PTPRD: variants seen among roughly 807,000 people sequenced by gnomAD.
PTPRD encodes protein tyrosine phosphatase receptor type D.
PTPRD carries 34 observed loss-of-function variants against 214.5 expected under a neutral mutation model. The ratio of observed to expected loss-of-function variants is 0.16; its 90% CI spans 0.12 to 0.21. The LOEUF is 0.21. Ranked by LOEUF, PTPRD falls within the 10% of genes least tolerant of loss-of-function variation. The probability of loss-of-function intolerance (pLI) is 1.00; values close to 1 mark genes in which losing one functional copy is unlikely to be tolerated. For synonymous variants in PTPRD, 1,128 were observed against 845.7 expected, an observed-to-expected ratio of 1.33 and a Z score of -5.79; for missense variants, 2,545 against 2,398.7, an observed-to-expected ratio of 1.06 and a Z score of -1.27.
chr9:8,639,630 C>T (rs577329240), intron 12 of PTPRD, among the ~76,000 whole-genome samples: 9 of 152,178 alleles, frequency 5.9e-5, no homozygotes, highest in Admixed American at 1.3e-4. Flanking sequence ...TAAGGGATAC[C>T]GTTGCATTTC....
intron 33 of PTPRD, chr9:8,454,557 G>A: frequency 6.2e-7 from 1 of 1,612,658 alleles, no homozygotes; most frequent in Admixed American, 1.7e-5. Flanking sequence ...GAACATTAAA[G>A]GGGTTTGTTC....
chr9:8,420,902 G>A (rs2296095), intron 35 of PTPRD, among the ~76,000 whole-genome samples: 15,761 of 151,516 alleles, frequency 0.1, 938 homozygotes, highest in East Asian at 0.14. Flanking sequence ...ATTTCAGGCA[G>A]AAGAATGTCT....
At chr9:8,496,893 C>G (rs374524159) in intron 26 of PTPRD, among the ~76,000 whole-genome samples, 1 of 152,208 alleles carries the variant, frequency 6.6e-6, no homozygotes, top group South Asian at 2.1e-4. Context: ...TATGTGTGGT[C>G]CAAGACCATT....
At chr9:10,530,230 A>G (rs2055791888) in intron 2 of PTPRD, among the ~76,000 whole-genome samples, 1 of 151,646 alleles carries the variant, frequency 6.6e-6, no homozygotes, top group South Asian at 2.1e-4. Flanking sequence ...CTCAAACTTA[A>G]TCTATACATC....
chr9:8,746,174 G>T (rs147675745), intron 11 of PTPRD, among the ~76,000 whole-genome samples: 1 of 152,092 alleles, frequency 6.6e-6, no homozygotes, highest in African/African-American at 2.4e-5. Flanking sequence ...GAACGGGTTA[G>T]ATTCTGAATT....
intron 11 of PTPRD, among the ~76,000 whole-genome samples, chr9:9,018,043 A>G (rs1213123783): frequency 6.6e-6 from 1 of 151,948 alleles, no homozygotes; most frequent in Non-Finnish European, 1.5e-5. Flanking sequence ...GTTTATTTTT[A>G]TTTTTTGAAG....
At chr9:9,131,939 T>G (rs901574504) in intron 10 of PTPRD, among the ~76,000 whole-genome samples, 19 of 152,216 alleles carry the variant, frequency 1.2e-4, no homozygotes, top group African/African-American at 4.1e-4. Context: ...GATGTACTAT[T>G]TCTTTCATTT....
At chr9:9,179,205 A>G (rs2099926670) in intron 10 of PTPRD, among the ~76,000 whole-genome samples, 1 of 152,140 alleles carries the variant, frequency 6.6e-6, no homozygotes, top group African/African-American at 2.4e-5. Flanking sequence ...GAAAATATTT[A>G]TAAGCATTGG....
intron 11 of PTPRD, among the ~76,000 whole-genome samples, chr9:8,907,632 A>AT (rs1404877707): frequency 6.6e-6 from 1 of 151,036 alleles, no homozygotes; most frequent in Non-Finnish European, 1.5e-5. Flanking sequence ...CTAGATGGAA[A>AT]TTTTTGTGTT....
At chr9:10,090,961 T>C (rs408270) in intron 3 of PTPRD, among the ~76,000 whole-genome samples, 12,343 of 60,832 alleles carry the variant, frequency 0.2, 826 homozygotes, top group African/African-American at 0.33. Flanking sequence ...CACACACACA[T>C]GCATGTGGTA....
chr9:9,908,855 C>G (rs1242228456), intron 5 of PTPRD, among the ~76,000 whole-genome samples: 1 of 151,876 alleles, frequency 6.6e-6, no homozygotes, highest in Non-Finnish European at 1.5e-5. Flanking sequence ...ATATTATTGT[C>G]TTTGGTATCT....
intron 5 of PTPRD, among the ~76,000 whole-genome samples, chr9:9,788,518 C>G (rs1258347465): frequency 1.4e-5 from 2 of 143,230 alleles, no homozygotes; most frequent in Admixed American, 1.4e-4. Context: ...GGCCACGGCA[C>G]TCCAGCCTGG....
intron 3 of PTPRD, among the ~76,000 whole-genome samples, chr9:10,131,310 T>A (rs291306): frequency 0.41 from 61,811 of 152,006 alleles, 13,884 homozygotes; most frequent in Non-Finnish European, 0.52. Flanking sequence ...GTGTAACTTT[T>A]ATGCATCAGC....
intron 7 of PTPRD, among the ~76,000 whole-genome samples, chr9:9,693,348 A>G (rs961324155): frequency 5.9e-5 from 9 of 152,008 alleles, no homozygotes; most frequent in Non-Finnish European, 1.3e-4. Flanking sequence ...TTATCATGAG[A>G]TCTGATGGTT....
chr9:10,572,965 A>G (rs986917295), intron 2 of PTPRD, among the ~76,000 whole-genome samples: 2 of 152,054 alleles, frequency 1.3e-5, no homozygotes, highest in African/African-American at 4.8e-5. Flanking sequence ...AACAGGATGC[A>G]TCCATTCCAG....
chr9:8,498,420 G>A (rs1036942438), intron 25 of PTPRD, among the ~76,000 whole-genome samples: 1 of 152,000 alleles, frequency 6.6e-6, no homozygotes, highest in African/African-American at 2.4e-5. Flanking sequence ...GGACCACACA[G>A]GCGTGTGCCG....
At chr9:9,964,810 G>A (rs550729954) in intron 4 of PTPRD, among the ~76,000 whole-genome samples, 23 of 152,240 alleles carry the variant, frequency 1.5e-4, no homozygotes, top group African/African-American at 5.5e-4. Context: ...GGCTTAGTTT[G>A]TGAGGATAAA....
At chr9:10,257,902 G>A (rs902394648) in intron 3 of PTPRD, among the ~76,000 whole-genome samples, 2 of 152,170 alleles carry the variant, frequency 1.3e-5, no homozygotes, top group East Asian at 3.8e-4. Flanking sequence ...CCTTTCTGTG[G>A]CAGAAAATAA....
chr9:10,192,445 GAAAAAAAAAAA>G (rs552289562), intron 3 of PTPRD, among the ~76,000 whole-genome samples: 12 of 72,660 alleles, frequency 1.7e-4, no homozygotes, highest in Middle Eastern at 7.2e-3. Flanking sequence ...CACGATCCAG[GAAAAAAAAAAA>G]AAAAAAAAAA....
Sources: gnomAD v4.1 joint callset for allele counts (sites outside exome capture counted in the v4.1 genomes callset) on GRCh38, gnomAD v4.1.1 for gene constraint, MANE v1.5 for transcripts, NCBI Gene and HGNC (gene_info 2026-07-23, HGNC 2026-07-21) for gene names.